Variants in ABHD2 observed in about 807,000 individuals in gnomAD.
The protein encoded by ABHD2 is abhydrolase domain containing 2, acylglycerol lipase, also known as monoacylglycerol lipase ABHD2.
A neutral mutation model predicts 48.1 loss-of-function variants in ABHD2; 20 were observed. The observed-to-expected ratio is 0.42, with a 90% CI of 0.29 to 0.60. ABHD2 has a LOEUF of 0.60. Among genes scored for constraint, ABHD2 ranks in the 20% least tolerant of loss-of-function variants. ABHD2 has a pLI of 0.24. For synonymous variants in ABHD2, 209 were observed against 214.2 expected, an observed-to-expected ratio of 0.98 and a Z score of 0.21; for missense variants, 405 against 550.9, an observed-to-expected ratio of 0.74 and a Z score of 2.65.
Position 89,188,110 on chromosome 15 carries a change from C to A in ABHD2, c.816-83C>A. The A allele has an allele frequency of 3.3e-6, 4 of 1,222,114 alleles. No individual in the cohort carries two copies. Among genetic ancestry groups the A allele is most frequent in the Non-Finnish European group, 4.8e-6 (4 of 834,256 alleles). 75.7% of individuals were successfully genotyped at this position (1,222,114 alleles called of 1,614,324 possible). A position where few individuals can be genotyped will look rare whatever the true frequency, so the allele number is the denominator to read the frequency against. On this transcript the variant is annotated intron_variant, in intron 7 of 10. Transcript: ENST00000352732. This position sits in a 1 kb window ranked among gnomAD's most constrained non-coding sequence, Gnocchi z 4.1. ...TGACCACGTTGGCTCTCCCTCCTGG[C>A]TTGCTGTGGCAAGGAAGCAGGCTAT...
chr15:89,088,329 CG>C, upstream of ABHD2: 1 of 152,550 alleles, frequency 6.6e-6, no homozygotes, highest in African/African-American at 2.4e-5. The surrounding 1 kb of genome is among the most constrained non-coding windows in gnomAD (Gnocchi z 6.8). Context: ...AATGAGCGCG[CG>C]GGGCAAGTGG....
At chr15:89,089,752 C>T (rs1190538022) in intron 1 of ABHD2, among the ~76,000 whole-genome samples, 8 of 152,164 alleles carry the variant, frequency 5.3e-5, no homozygotes, top group South Asian at 4.1e-4. Flanking sequence ...TGTCATTTGC[C>T]GGAATAGAGA....
the ABHD2 span, among the ~76,000 whole-genome samples, chr15:89,045,258 A>T: frequency 6.6e-6 from 1 of 151,534 alleles, no homozygotes; most frequent in African/African-American, 2.4e-5. Flanking sequence ...TGTTCCATTG[A>T]TCTATATCTC....
the ABHD2 span, among the ~76,000 whole-genome samples, chr15:89,043,238 T>C: frequency 1.4e-4 from 21 of 152,162 alleles, no homozygotes; most frequent in Middle Eastern, 6.8e-3. Context: ...TCTAGCACCC[T>C]AGGGGGGCAA....
In ABHD2 at chr15:89,201,577, C is replaced by T; in HGVS notation, c.*6154C>T. 6.3e-7 allele frequency: 1 copy of T among 1,596,310 alleles called. No homozygotes were observed. The highest frequency in any genetic ancestry group is 8.6e-7 in the Non-Finnish European group (1 of 1,163,958). ...TCAAAGGGCTGTAGCATTACTGAAA[C>T]AGTCACAGTTGACCCTGGGTCAATA... is the stretch of plus-strand genomic sequence containing the variant. On this transcript the variant is annotated 3_prime_UTR_variant, in exon 11 of 11. Transcript: ENST00000352732.
chr15:89,181,376 T>C (rs901629374), intron 6 of ABHD2, among the ~76,000 whole-genome samples: 1 of 152,160 alleles, frequency 6.6e-6, no homozygotes, highest in African/African-American at 2.4e-5. Context: ...GTCGGTGTGA[T>C]AGCATTATGG....
chr15:89,075,357 G>A, the ABHD2 span: 1 of 152,388 alleles, frequency 6.6e-6, no homozygotes, highest in Non-Finnish European at 1.5e-5. The surrounding 1 kb of genome is among the most constrained non-coding windows in gnomAD (Gnocchi z 4.1). Flanking sequence ...TTTATGGATG[G>A]AGTGAGCTTG....
At chr15:89,044,327 A>C in the ABHD2 span, among the ~76,000 whole-genome samples, 2 of 152,206 alleles carry the variant, frequency 1.3e-5, no homozygotes, top group Non-Finnish European at 2.9e-5. Flanking sequence ...GGTAGGTTCC[A>C]AGTCTTTGCT....
At chr15:89,150,226 T>C (rs1030627728) in intron 3 of ABHD2, among the ~76,000 whole-genome samples, 1 of 152,214 alleles carries the variant, frequency 6.6e-6, no homozygotes, top group African/African-American at 2.4e-5. Flanking sequence ...TCTTTAAACT[T>C]TCCTCCAGGA....
At position 89,151,719 on chromosome 15, in the gene ABHD2, G is replaced by A. The variant is rs751965371; in HGVS notation, c.237G>A (p.Gln79=). The part of the protein sequence containing the change: ...PLIWGKSGHI[Q]TALYGKMGRV... ...TCTGGGGGAAAAGTGGACACATCCA[G>A]ACAGCCTTGTATGGGAAGATGGGAA... is the stretch of plus-strand genomic sequence containing the variant. The change falls in exon 4 of 11, where the codon CAG becomes CAA. Residue 79 remains glutamine, a synonymous_variant. Transcript: ENST00000352732. The surrounding 1 kb of genome is among the most constrained non-coding windows in gnomAD (Gnocchi z 4.7). 2 of 1,614,232 alleles carry A rather than the reference G, an allele frequency of 1.2e-6. No homozygotes were observed. Among genetic ancestry groups the A allele is most frequent in the Non-Finnish European group, 1.7e-6 (2 of 1,180,034 alleles).
Position 89,196,294 on chromosome 15 carries a change from G to A in ABHD2, c.*871G>A, listed in dbSNP as rs755090064. On this transcript the variant is annotated 3_prime_UTR_variant, in exon 11 of 11. Coordinates refer to ENST00000352732, the MANE Select transcript of ABHD2 (RefSeq NM_152924.5). ...CAAGGCCGGCTATGGAGCTGCCGTC[G>A]TGTGACCACAGTGTGATGTCTCAGA... 3 of 152,212 alleles carry A rather than the reference G, an allele frequency of 2.0e-5. No individual in the cohort carries two copies. The highest frequency in any genetic ancestry group is 2.9e-5 in the Non-Finnish European group (2 of 68,038). 9.4% of individuals were successfully genotyped at this position (152,212 alleles called of 1,614,324 possible).
chr15:89,049,885 T>A, the ABHD2 span, among the ~76,000 whole-genome samples: 1 of 152,226 alleles, frequency 6.6e-6, no homozygotes, highest in Non-Finnish European at 1.5e-5. Flanking sequence ...AGACTGGAGC[T>A]GTTCCTATTC....
chr15:89,192,742 TCTCA>T (rs1255107679), intron 9 of ABHD2, among the ~76,000 whole-genome samples: 2 of 152,172 alleles, frequency 1.3e-5, no homozygotes, highest in Non-Finnish European at 1.5e-5. Context: ...GGGCTGTGGG[TCTCA>T]CTATGTTTCC....
At chr15:89,180,285 AT>A (rs886662145) in intron 6 of ABHD2, among the ~76,000 whole-genome samples, 17 of 149,948 alleles carry the variant, frequency 1.1e-4, no homozygotes, top group African/African-American at 2.9e-4. Flanking sequence ...GTTGTTGTTA[AT>A]TTTTTTTTTA....
intron 3 of ABHD2, among the ~76,000 whole-genome samples, chr15:89,133,543 A>C (rs1270395382): frequency 1.3e-5 from 2 of 152,206 alleles, no homozygotes; most frequent in Admixed American, 1.3e-4. Context: ...GATATTTGCC[A>C]ATCTGGTAGG....
At position 89,167,461 on chromosome 15, in the gene ABHD2, G is replaced by T. The variant is rs1248880304; in HGVS notation, c.539-8351G>T. On this transcript the variant is annotated intron_variant, in intron 5 of 10. Coordinates refer to ENST00000352732, the MANE Select transcript of ABHD2 (RefSeq NM_152924.5). This position sits in a 1 kb window ranked among gnomAD's most constrained non-coding sequence, Gnocchi z 5.5. The stretch of plus-strand genomic sequence containing the variant: ...CAAGATCGTCTGCTGAGAGCCAGGG[G>T]CCAGGAGCTTCAGGAAGTGTGTCAG... Among the ~76,000 whole-genome samples the T allele has an allele frequency of 6.6e-6, 1 of 152,170 alleles. No homozygotes were observed. The highest frequency in any genetic ancestry group is 1.5e-5 in the Non-Finnish European group (1 of 68,026).
intron 10 of ABHD2, 98 bp downstream of exon 10, chr15:89,193,417 C>T: frequency 1.1e-6 from 1 of 950,142 alleles, no homozygotes; most frequent in Non-Finnish European, 1.7e-6. Flanking sequence ...AGACCACCCT[C>T]TTTAGGGAAA....
the ABHD2 span, among the ~76,000 whole-genome samples, chr15:89,073,538 C>G: frequency 1.0e-5 from 1 of 98,994 alleles, no homozygotes; most frequent in South Asian, 3.8e-4. Flanking sequence ...CTCAGGTGAT[C>G]CACCCTCCTC....
At chr15:89,169,582 C>T (rs1480560491) in intron 5 of ABHD2, among the ~76,000 whole-genome samples, 1 of 152,064 alleles carries the variant, frequency 6.6e-6, no homozygotes, top group Admixed American at 6.6e-5. Flanking sequence ...TAGGCAGAAA[C>T]CTTAGGAAGC....
Sources: allele counts gnomAD v4.1 joint callset (sites outside exome capture counted in the v4.1 genomes callset), GRCh38; gene constraint gnomAD v4.1.1; non-coding constraint Gnocchi (gnomAD v3.1); transcripts MANE v1.5; gene names NCBI Gene and HGNC (gene_info 2026-07-23, HGNC 2026-07-21).